Variants in CNTN5 observed in about 807,000 individuals in gnomAD.
The protein encoded by CNTN5 is contactin-5.
CNTN5 carries 77 observed loss-of-function variants against 129.1 expected under a neutral mutation model. The observed-to-expected ratio is 0.60, with a 90% CI of 0.50 to 0.72. CNTN5 has a LOEUF of 0.72. CNTN5 is among the 30% of genes least tolerant of loss of function. The pLI, the probability that CNTN5 is intolerant of heterozygous loss-of-function variation, is 0.00. For missense variants in CNTN5, 1,478 were observed against 1,328.8 expected (o/e 1.11, Z -1.75); for synonymous variants, 509 against 465.6 (o/e 1.09, Z -1.20).
intron 2 of CNTN5, among the ~76,000 whole-genome samples, chr11:99,542,637 C>T (rs1326763042): frequency 6.6e-6 from 1 of 152,190 alleles, no homozygotes; most frequent in Non-Finnish European, 1.5e-5. Flanking sequence ...ACAAAAAAAT[C>T]TCCAAATATT....
intron 2 of CNTN5, among the ~76,000 whole-genome samples, chr11:99,458,603 A>AACCGATT (rs1348720470): frequency 1.3e-5 from 2 of 151,934 alleles, no homozygotes; most frequent in African/African-American, 2.4e-5. Flanking sequence ...ATGCTCTGAA[A>AACCGATT]ACCGATTTCC....
intron 17 of CNTN5, among the ~76,000 whole-genome samples, chr11:100,270,541 C>A (rs943154368): frequency 2.0e-5 from 3 of 152,116 alleles, no homozygotes; most frequent in Admixed American, 6.5e-5. Context: ...TATTGACAAA[C>A]AATGTTATGC....
At chr11:99,751,609 AT>A (rs1433009375) in intron 3 of CNTN5, among the ~76,000 whole-genome samples, 1 of 152,108 alleles carries the variant, frequency 6.6e-6, no homozygotes, top group Non-Finnish European at 1.5e-5. Flanking sequence ...AGCACTCCTA[AT>A]TTTTCACAGT....
intron 2 of CNTN5, among the ~76,000 whole-genome samples, chr11:99,376,426 C>T (rs1591594811): frequency 6.6e-6 from 1 of 152,132 alleles, no homozygotes; most frequent in African/African-American, 2.4e-5. Flanking sequence ...ACGTGGTATT[C>T]TCTTGGTAGT....
chr11:100,000,503 A>G (rs187363154), intron 8 of CNTN5, among the ~76,000 whole-genome samples: 6 of 152,246 alleles, frequency 3.9e-5, no homozygotes, highest in African/African-American at 1.4e-4. Context: ...AGGGCACAGC[A>G]CCTCTGGCTC....
At chr11:100,120,743 G>A (rs1213345113) in intron 13 of CNTN5, among the ~76,000 whole-genome samples, 1 of 151,710 alleles carries the variant, frequency 6.6e-6, no homozygotes, top group Non-Finnish European at 1.5e-5. Context: ...TGATAAATAT[G>A]GTTGACTCTA....
chr11:99,166,380 A>G (rs996878439), intron 1 of CNTN5, among the ~76,000 whole-genome samples: 1 of 147,742 alleles, frequency 6.8e-6, no homozygotes, highest in Non-Finnish European at 1.5e-5. Context: ...AGCCTGGGCC[A>G]CAGAGCAAGA....
At chr11:100,069,037 T>C (rs544219698) in intron 10 of CNTN5, among the ~76,000 whole-genome samples, 1 of 152,338 alleles carries the variant, frequency 6.6e-6, no homozygotes, top group African/African-American at 2.4e-5. Context: ...CACTAGCATT[T>C]AATAAATGTG....
At chr11:99,499,438 A>C (rs1946346991) in intron 2 of CNTN5, among the ~76,000 whole-genome samples, 1 of 152,144 alleles carries the variant, frequency 6.6e-6, no homozygotes, top group African/African-American at 2.4e-5. Flanking sequence ...TCATGTGAAG[A>C]TGCAGCCTCC....
intron 1 of CNTN5, among the ~76,000 whole-genome samples, chr11:99,289,138 G>A (rs1471740228): frequency 6.6e-6 from 1 of 151,778 alleles, no homozygotes; most frequent in African/African-American, 2.4e-5. Context: ...ACTATGATGT[G>A]ATAATACATA....
chr11:99,955,986 A>C (rs1950792784), intron 7 of CNTN5, among the ~76,000 whole-genome samples: 1 of 152,198 alleles, frequency 6.6e-6, no homozygotes, highest in Non-Finnish European at 1.5e-5. Context: ...TTATTCCTTC[A>C]GACTTGTTTT....
chr11:99,044,772 G>A (rs1864140884), intron 1 of CNTN5, among the ~76,000 whole-genome samples: 1 of 152,166 alleles, frequency 6.6e-6, no homozygotes, highest in South Asian at 2.1e-4. Context: ...CCTCTATAAA[G>A]TGTCAGGTCC....
intron 2 of CNTN5, among the ~76,000 whole-genome samples, chr11:99,437,799 G>T (rs1187613669): frequency 6.6e-6 from 1 of 151,858 alleles, no homozygotes; most frequent in African/African-American, 2.4e-5. Flanking sequence ...ATCCAGCCTG[G>T]GCAAAAAAGC....
At chr11:100,223,433 CT>C (rs1187992667) in intron 15 of CNTN5, among the ~76,000 whole-genome samples, 2 of 152,086 alleles carry the variant, frequency 1.3e-5, no homozygotes, top group African/African-American at 4.8e-5. Context: ...ACTTTGCACC[CT>C]TTCTATGAAA....
At chr11:99,685,944 T>A (rs1454098397) in intron 3 of CNTN5, among the ~76,000 whole-genome samples, 2 of 152,076 alleles carry the variant, frequency 1.3e-5, no homozygotes, top group Non-Finnish European at 2.9e-5. Flanking sequence ...CTTCATAGTT[T>A]ATTAGTCATA....
chr11:100,067,980 T>G (rs1201942079), intron 10 of CNTN5, among the ~76,000 whole-genome samples: 1 of 152,166 alleles, frequency 6.6e-6, no homozygotes, highest in African/African-American at 2.4e-5. Flanking sequence ...TTTTCTCAGA[T>G]GTCAAATCTG....
intron 13 of CNTN5, among the ~76,000 whole-genome samples, chr11:100,167,475 C>T (rs1274309220): frequency 2.0e-5 from 3 of 151,630 alleles, no homozygotes; most frequent in South Asian, 2.1e-4. Flanking sequence ...ATGTTAGACA[C>T]GAGAGATACA....
At chr11:100,276,747 T>G (rs1303479306) in intron 18 of CNTN5, among the ~76,000 whole-genome samples, 1 of 152,038 alleles carries the variant, frequency 6.6e-6, no homozygotes, top group Non-Finnish European at 1.5e-5. Flanking sequence ...ATACAATGCT[T>G]AGTAATCATA....
At chr11:100,350,920 G>C in intron 24 of CNTN5, 50 bp downstream of exon 24, 1 of 1,434,190 alleles carries the variant, frequency 7.0e-7, no homozygotes, top group Non-Finnish European at 9.4e-7. Flanking sequence ...ACAATTACGA[G>C]ATGGTATGAA....
Sources: allele counts gnomAD v4.1 joint callset (sites outside exome capture counted in the v4.1 genomes callset), GRCh38; gene constraint gnomAD v4.1.1; transcripts MANE v1.5; gene names NCBI Gene and HGNC (gene_info 2026-07-23, HGNC 2026-07-21).